The following ITGB4 variants were observed in gnomAD, a reference collection of about 807,000 sequenced individuals.
ITGB4 encodes the protein integrin beta-4.
A neutral mutation model predicts 207.6 loss-of-function variants in ITGB4; 159 were observed. The ratio of observed to expected loss-of-function variants is 0.77; its 90% CI spans 0.67 to 0.87. ITGB4 has a LOEUF of 0.87. ITGB4 is among the 40% of genes least tolerant of loss of function. The probability of loss-of-function intolerance (pLI) is 0.00; values close to 1 mark genes in which losing one functional copy is unlikely to be tolerated. For synonymous variants in ITGB4, 1,020 were observed against 1,062.7 expected, an observed-to-expected ratio of 0.96 and a Z score of 0.78; for missense variants, 2,278 against 2,546.8, an observed-to-expected ratio of 0.89 and a Z score of 2.27.
chr17:75,725,267 G>A (rs971696674), intron 2 of ITGB4, among the ~76,000 whole-genome samples: 2 of 152,148 alleles, frequency 1.3e-5, no homozygotes, highest in South Asian at 2.1e-4. Flanking sequence ...ATTGGCAAAC[G>A]CTACACGTCA....
At position 75,750,604 on chromosome 17, in the gene ITGB4, C is replaced by A; in HGVS notation, c.3475-76C>A. 1 of 1,314,522 alleles carries A rather than the reference C, an allele frequency of 7.6e-7. No individual in the cohort carries two copies. The highest frequency in any genetic ancestry group is 1.1e-6 in the Non-Finnish European group (1 of 923,490). 81.4% of individuals were successfully genotyped at this position (1,314,522 alleles called of 1,614,324 possible). On this transcript the variant is annotated intron_variant, in intron 28 of 39. Coordinates refer to ENST00000200181, the MANE Select transcript of ITGB4 (RefSeq NM_000213.5). The surrounding 1 kb of genome is among the most constrained non-coding windows in gnomAD (Gnocchi z 5.5). ...ATCTGTGCAAAGAGGACAGTAAGGG[C>A]AGAGGTCAGAGGAGGGACAGGCAGC...
rs757519296 is a variant in ITGB4 at position 75,757,000 on chromosome 17, C to T, written c.5111C>T (p.Pro1704Leu). ...GDSPESRLTVPGLSENVPYKF... is the reference protein window; with the variant it reads ...GDSPESRLTVLGLSENVPYKF... Reference sequence around the variant, plus strand: ...AGCCCCGAGAGCCGGCTGACCGTGCCGGGCCTCAGCGAGAACGTGCCCTAC... The same window carrying T: ...AGCCCCGAGAGCCGGCTGACCGTGCTGGGCCTCAGCGAGAACGTGCCCTAC... Residue 1704 changes from proline to leucine, a missense_variant, in exon 38 of 40, where the codon CCG becomes CTG. By Grantham distance (98) the Pro-to-Leu change is moderately conservative (BLOSUM62 -3). Transcript: ENST00000200181. 1.7e-5 allele frequency: 27 copies of T among 1,612,770 alleles called. No individual in the cohort carries two copies. Among genetic ancestry groups the T allele is most frequent in the African/African-American group, 2.7e-5 (2 of 74,928 alleles).
Position 75,736,625 on chromosome 17 carries a change from G to C in ITGB4, c.1921G>C (p.Gly641Arg). 1 of 1,602,482 alleles carries C rather than the reference G, an allele frequency of 6.2e-7. No individual in the cohort carries two copies. The highest frequency in any genetic ancestry group is 8.5e-7 in the Non-Finnish European group (1 of 1,175,332). ...SCVQCQAWGT[G>R]EKKGRTCEEC... is the part of the protein sequence containing the mutation. ...CGTGCAGTGCCAGGCGTGGGGCACCGGCGAGAAGAAGGGGCGCACGTGTGA... is the reference window on the plus strand; with the variant it reads ...CGTGCAGTGCCAGGCGTGGGGCACCCGCGAGAAGAAGGGGCGCACGTGTGA... The change falls in exon 16 of 40, where the codon GGC (glycine) becomes CGC (arginine). Residue 641 changes from glycine to arginine, a missense_variant. Transcript: ENST00000200181.
chr17:75,750,181 C>T lies in ITGB4; in HGVS notation c.3387C>T (p.Ala1129=). 6.2e-7 allele frequency: 1 copy of T among 1,613,868 alleles called. No individual in the cohort carries two copies. Among genetic ancestry groups the T allele is most frequent in the Non-Finnish European group, 8.5e-7 (1 of 1,180,030 alleles). Residue 1129 remains alanine (A), a synonymous_variant, in exon 28 of 40, where the codon GCC becomes GCT. Coordinates refer to ENST00000200181, the MANE Select transcript of ITGB4 (RefSeq NM_000213.5). This position sits in a 1 kb window ranked among gnomAD's most constrained non-coding sequence, Gnocchi z 5.5. ...SQPPPHGDLG[A]PQNPNAKAAG... Reference sequence around the variant, plus strand: ...CACCCCCTCACGGCGACCTGGGCGCCCCGCAGAACCCCAATGCTAAGGCCG... The same window carrying T: ...CACCCCCTCACGGCGACCTGGGCGCTCCGCAGAACCCCAATGCTAAGGCCG...
chr17:75,750,549 G>A lies in ITGB4; in HGVS notation c.3475-131G>A, dbSNP rs181650640. 1 of 889,746 alleles carries A rather than the reference G, an allele frequency of 1.1e-6. No homozygotes were observed. The highest frequency in any genetic ancestry group is 1.4e-5 in the South Asian group (1 of 69,130). The allele number at this position is 889,746 out of a possible 1,614,324, so 55.1% of individuals were successfully genotyped here. A position where few individuals can be genotyped will look rare whatever the true frequency, so the allele number is the denominator to read the frequency against. ...GCCCTAGTCCTGACGTGTGCACATG[G>A]CAGATCTCTCAGCCCCTCCCTCGGG... is the stretch of plus-strand genomic sequence containing the variant. On this transcript the variant is annotated intron_variant, in intron 28 of 39. Coordinates refer to ENST00000200181, the MANE Select transcript of ITGB4 (RefSeq NM_000213.5). The surrounding 1 kb of genome is among the most constrained non-coding windows in gnomAD (Gnocchi z 5.5).
chr17:75,723,806 G>A (rs910247967), intron 1 of ITGB4, among the ~76,000 whole-genome samples: 5 of 152,272 alleles, frequency 3.3e-5, no homozygotes, highest in Non-Finnish European at 7.3e-5. Flanking sequence ...AGAAAGAGGC[G>A]CGGTGCTCAC....
rs775092072 is a variant in ITGB4, at chr17:75,757,146, G to A, written c.5218+39G>A. 105 of 1,612,482 alleles carry A rather than the reference G, an allele frequency of 6.5e-5. No homozygotes were observed. The Admixed American group carries it at 1.1e-3, about 16-fold the overall frequency. On this transcript the variant is annotated intron_variant, in intron 38 of 39. Coordinates refer to ENST00000200181, the MANE Select transcript of ITGB4 (RefSeq NM_000213.5). Reference sequence around the variant, plus strand: ...CTTTCCTTCACCCCCACCCCTCCTCGGGCCGTGCCTCCTTCTGGCACCACC... The same window carrying A: ...CTTTCCTTCACCCCCACCCCTCCTCAGGCCGTGCCTCCTTCTGGCACCACC...
chr17:75,734,493 T>C (rs2060934543), intron 13 of ITGB4, among the ~76,000 whole-genome samples: 1 of 152,084 alleles, frequency 6.6e-6, no homozygotes, highest in Non-Finnish European at 1.5e-5. Flanking sequence ...TGGAGCTTCC[T>C]CTGTATTCCC....
Position 75,757,589 on chromosome 17 carries a change from A to G in ITGB4, c.*34A>G, listed in dbSNP as rs746289175. 8.7e-6 allele frequency: 14 copies of G among 1,612,516 alleles called. No individual in the cohort carries two copies. In the East Asian group the frequency reaches 3.1e-4, roughly 36 times the overall value. On this transcript the variant is annotated 3_prime_UTR_variant, in exon 40 of 40. Transcript: ENST00000200181. ...TGCCCCACCCCCGCCACGTCCCACTAGGCGTCCTCCCGACTCCTCTCCCGG... is the reference window on the plus strand; with the variant it reads ...TGCCCCACCCCCGCCACGTCCCACTGGGCGTCCTCCCGACTCCTCTCCCGG...
chr17:75,737,757 G>T lies in ITGB4; in HGVS notation c.2220+113G>T, dbSNP rs1433274754. 3.3e-6 allele frequency: 3 copies of T among 900,354 alleles called. No homozygotes were observed. In the East Asian group the frequency reaches 7.7e-5, roughly 23 times the overall value. 55.8% of individuals were successfully genotyped at this position (900,354 alleles called of 1,614,324 possible). A position where few individuals can be genotyped will look rare whatever the true frequency, so the allele number is the denominator to read the frequency against. ...CCGCCTGAGTTCTCATCTCCCCAGGGTCCCCAACCCCTTCCTGGGTCCCCA... is the reference window on the plus strand; with the variant it reads ...CCGCCTGAGTTCTCATCTCCCCAGGTTCCCCAACCCCTTCCTGGGTCCCCA... On this transcript the variant is annotated intron_variant, in intron 18 of 39. Transcript: ENST00000200181.
chr17:75,730,068 T>A (rs1275536837), intron 7 of ITGB4, among the ~76,000 whole-genome samples, 173 bp from the exon 8 acceptor site: 2 of 152,254 alleles, frequency 1.3e-5, no homozygotes, highest in Non-Finnish European at 2.9e-5. Context: ...TTTCTCAGCG[T>A]TGTCACTCAG....
chr17:75,753,745 G>A lies in ITGB4; in HGVS notation c.4109-20G>A, dbSNP rs1283456335. 3 of 1,399,430 alleles carry A rather than the reference G, an allele frequency of 2.1e-6. No homozygotes were observed. Among genetic ancestry groups the A allele is most frequent in the Middle Eastern group, 2.3e-4 (1 of 4,268 alleles). 86.7% of individuals were successfully genotyped at this position (1,399,430 alleles called of 1,614,324 possible). A position where few individuals can be genotyped will look rare whatever the true frequency, so the allele number is the denominator to read the frequency against. On this transcript the variant is annotated intron_variant, in intron 32 of 39. Transcript: ENST00000200181. ...CGGCGCCCCCCGGCGGTGCCAACGC[G>A]GCCCTTCGTTGTTCCCAAGGCTGCG... is the stretch of plus-strand genomic sequence containing the variant.
chr17:75,747,910 C>G (rs1202762567), intron 26 of ITGB4, among the ~76,000 whole-genome samples: 1 of 152,204 alleles, frequency 6.6e-6, no homozygotes, highest in Admixed American at 6.5e-5. Flanking sequence ...ATGGGTCTCA[C>G]TTTCTGAGTT....
In ITGB4 at chr17:75,750,677, T is replaced by A; in HGVS notation, c.3475-3T>A. On this transcript the variant is annotated splice_polypyrimidine_tract_variant and splice_region_variant and intron_variant, in intron 28 of 39. Transcript: ENST00000200181. The surrounding 1 kb of genome is among the most constrained non-coding windows in gnomAD (Gnocchi z 5.5). Reference sequence around the variant, plus strand: ...TGACCAGGACCCCTGTCCCTGGGGGTAGGTAAAGTACTGGATTCAGGGTGA... The same window carrying A: ...TGACCAGGACCCCTGTCCCTGGGGGAAGGTAAAGTACTGGATTCAGGGTGA... The A allele has an allele frequency of 6.2e-7, 1 of 1,612,474 alleles. No individual in the cohort carries two copies. Among genetic ancestry groups the A allele is most frequent in the Non-Finnish European group, 8.5e-7 (1 of 1,179,824 alleles).
rs373675474 is a variant in ITGB4 at position 75,732,010 on chromosome 17, G to A, written c.1377+37G>A. Reference sequence around the variant, plus strand: ...CCCCGCAGGGCGGGAGGGGAGAGCTGAGCCAAGCACCCAGGGACCCTGAGG... The same window carrying A: ...CCCCGCAGGGCGGGAGGGGAGAGCTAAGCCAAGCACCCAGGGACCCTGAGG... On this transcript the variant is annotated intron_variant, in intron 11 of 39. Transcript: ENST00000200181. The surrounding 1 kb of genome is among the most constrained non-coding windows in gnomAD (Gnocchi z 5.3). The A allele has an allele frequency of 9.9e-6, 16 of 1,613,642 alleles. No homozygotes were observed. In the African/African-American group the frequency reaches 1.9e-4, roughly 19 times the overall value.
chr17:75,733,245 G>A (rs1024958675), intron 12 of ITGB4, among the ~76,000 whole-genome samples: 6 of 151,916 alleles, frequency 3.9e-5, no homozygotes, highest in Admixed American at 3.9e-4. Context: ...AATTAGCCGG[G>A]CGTAGTGGCG....
chr17:75,750,655 C>A lies in ITGB4; in HGVS notation c.3475-25C>A. ...TTGGGTGCCTGCTGCTCCCTGCTGA[C>A]CAGGACCCCTGTCCCTGGGGGTAGG... is the stretch of plus-strand genomic sequence containing the variant. On this transcript the variant is annotated intron_variant, in intron 28 of 39. Coordinates refer to ENST00000200181, the MANE Select transcript of ITGB4 (RefSeq NM_000213.5). The surrounding 1 kb of genome is among the most constrained non-coding windows in gnomAD (Gnocchi z 5.5). 3.1e-6 allele frequency: 5 copies of A among 1,611,066 alleles called. No homozygotes were observed. Among genetic ancestry groups the A allele is most frequent in the Non-Finnish European group, 4.2e-6 (5 of 1,178,760 alleles).
Position 75,724,775 on chromosome 17 carries a change from G to C in ITGB4, c.72G>C (p.Gly24=). ...LAALISVSLS[G]TLANRCKKAP... is the part of the protein sequence containing the mutation. ...CCTTGATCAGCGTCAGCCTCTCTGGGACCTTGGGTGAGTCCACGTTGCCCT... is the reference window on the plus strand; with the variant it reads ...CCTTGATCAGCGTCAGCCTCTCTGGCACCTTGGGTGAGTCCACGTTGCCCT... The change falls in exon 2 of 40, where the codon GGG becomes GGC. Residue 24 remains glycine, a synonymous_variant. Transcript: ENST00000200181. The C allele has an allele frequency of 6.2e-7, 1 of 1,613,574 alleles. No individual in the cohort carries two copies. Among genetic ancestry groups the C allele is most frequent in the African/African-American group, 1.3e-5 (1 of 75,086 alleles).
rs755182879 is a variant in ITGB4, at chr17:75,730,204, C to G, written c.739-37C>G. On this transcript the variant is annotated intron_variant, in intron 7 of 39. Coordinates refer to ENST00000200181, the MANE Select transcript of ITGB4 (RefSeq NM_000213.5). ...CGCCGTGATGCGTGTCAGCAGGCAG[C>G]CTGCTCAGTGGGCACGCCCCGCCTT... 1.9e-6 allele frequency: 3 copies of G among 1,610,774 alleles called. No homozygotes were observed. The South Asian group carries it at 3.3e-5, about 18-fold the overall frequency.
Sources: gnomAD v4.1 joint callset for allele counts (sites outside exome capture counted in the v4.1 genomes callset) on GRCh38, gnomAD v4.1.1 for gene constraint, Gnocchi (gnomAD v3.1) non-coding constraint, MANE v1.5 for transcripts, NCBI Gene and HGNC (gene_info 2026-07-23, HGNC 2026-07-21) for gene names.